Variants in WWC1 observed in about 807,000 individuals in gnomAD.
WWC1 encodes protein KIBRA.
WWC1 carries 55 observed loss-of-function variants against 138.4 expected under a neutral mutation model. The ratio of observed to expected loss-of-function variants is 0.40; its 90% CI spans 0.32 to 0.50. The LOEUF (loss-of-function observed/expected upper bound fraction) is 0.50, where lower values mean the gene tolerates loss of function less well. Ranked by LOEUF, WWC1 falls within the 20% of genes least tolerant of loss-of-function variation. WWC1 has a pLI of 0.72. For missense variants in WWC1, 1,226 were observed against 1,420.4 expected (o/e 0.86, Z 2.20); for synonymous variants, 524 against 564.9 (o/e 0.93, Z 1.03).
chr5:168,420,777 C>T (rs1244050756), intron 9 of WWC1, among the ~76,000 whole-genome samples: 2 of 152,194 alleles, frequency 1.3e-5, no homozygotes, highest in African/African-American at 4.8e-5. Flanking sequence ...GCAGCCCAGG[C>T]ACTGTCTCTG....
chr5:168,351,577 G>A lies in WWC1; in HGVS notation c.120-19847G>A, dbSNP rs116082662. On this transcript the variant is annotated intron_variant, in intron 1 of 22. Transcript: ENST00000265293. The stretch of plus-strand genomic sequence containing the variant: ...GAAGGAGGGGTGCAGGTGAAGGGCT[G>A]TGGGAGATGAGAAGAGGTTGCTCTC... Among the ~76,000 whole-genome samples, 603 of 152,322 alleles carry A rather than the reference G, an allele frequency of 4.0e-3. 2 individuals are homozygous for A. Among genetic ancestry groups the A allele is most frequent in the African/African-American group, 0.014 (565 of 41,558 alleles).
chr5:168,394,286 G>A (rs769787471), intron 3 of WWC1, among the ~76,000 whole-genome samples: 1 of 152,146 alleles, frequency 6.6e-6, no homozygotes, highest in Non-Finnish European at 1.5e-5. Flanking sequence ...ATGGGGATAG[G>A]GGTTGTGGAA....
At chr5:168,354,346 C>T (rs112033526) in intron 1 of WWC1, among the ~76,000 whole-genome samples, 29 of 152,170 alleles carry the variant, frequency 1.9e-4, no homozygotes, top group African/African-American at 6.3e-4. Flanking sequence ...CCACCGCACC[C>T]GGCCTGAGTG....
intron 14 of WWC1, 106 bp from the exon 15 acceptor site, chr5:168,431,146 C>G (rs1237618973): frequency 9.9e-7 from 1 of 1,007,550 alleles, no homozygotes. Flanking sequence ...TCTACAAACT[C>G]TCATCCACTG....
intron 13 of WWC1, among the ~76,000 whole-genome samples, 189 bp from the exon 14 acceptor site, chr5:168,429,948 A>AG (rs141726380): frequency 2.6e-5 from 4 of 152,006 alleles, no homozygotes; most frequent in African/African-American, 9.7e-5. Context: ...CAAAAAAAAA[A>AG]TTTTCAAACA....
intron 19 of WWC1, 105 bp from the exon 20 acceptor site, chr5:168,460,545 G>A: frequency 4.0e-6 from 4 of 1,012,042 alleles, no homozygotes; most frequent in Non-Finnish European, 5.9e-6. Context: ...AGAAGGAGAG[G>A]AAGGACTGTG....
chr5:168,338,495 T>G (rs1034371736), intron 1 of WWC1, among the ~76,000 whole-genome samples: 1 of 147,702 alleles, frequency 6.8e-6, no homozygotes, highest in Admixed American at 6.8e-5. Context: ...CACTGCAACC[T>G]CCGCCTCCCG....
In WWC1 at chr5:168,399,572, G is replaced by A; in HGVS notation, c.590+5G>A. On this transcript the variant is annotated splice_donor_5th_base_variant and intron_variant, in intron 5 of 22. Transcript: ENST00000265293. ...TGGCTTTCAGACCCTGAAGAAGTAA[G>A]TACACCCTGCATCCCAGAGCATGGG... 5.0e-6 allele frequency: 8 copies of A among 1,614,022 alleles called. No homozygotes were observed. The highest frequency in any genetic ancestry group is 6.8e-6 in the Non-Finnish European group (8 of 1,179,984).
At chr5:168,418,931 GA>G (rs1780870988) in intron 9 of WWC1, among the ~76,000 whole-genome samples, 1 of 152,160 alleles carries the variant, frequency 6.6e-6, no homozygotes, top group Non-Finnish European at 1.5e-5. Flanking sequence ...CAGGACTCTA[GA>G]AGAACAGTGC....
chr5:168,377,980 G>A (rs1214871763), intron 2 of WWC1, among the ~76,000 whole-genome samples: 1 of 152,204 alleles, frequency 6.6e-6, no homozygotes, highest in Non-Finnish European at 1.5e-5. Context: ...GCACTCATAT[G>A]TTCATCACAG....
At position 168,292,670 on chromosome 5, in the gene WWC1, G is replaced by C. The variant is rs771718601; in HGVS notation, c.119+399G>C. On this transcript the variant is annotated intron_variant, in intron 1 of 22. Coordinates refer to ENST00000265293, the MANE Select transcript of WWC1 (RefSeq NM_015238.3). This position sits in a 1 kb window ranked among gnomAD's most constrained non-coding sequence, Gnocchi z 4.4. ...CTTCCCGGGGAGGCTTCCACCCAGCGTGGGGGGTGGGCGGATGGGGATGGG... is the reference window on the plus strand; with the variant it reads ...CTTCCCGGGGAGGCTTCCACCCAGCCTGGGGGGTGGGCGGATGGGGATGGG... Among the ~76,000 whole-genome samples the C allele has an allele frequency of 2.0e-5, 3 of 152,110 alleles. No individual in the cohort carries two copies. Among genetic ancestry groups the C allele is most frequent in the Non-Finnish European group, 4.4e-5 (3 of 68,018 alleles).
intron 21 of WWC1, among the ~76,000 whole-genome samples, chr5:168,466,329 A>C (rs1757292162): frequency 6.6e-6 from 1 of 152,198 alleles, no homozygotes; most frequent in African/African-American, 2.4e-5. Flanking sequence ...CCAATATGAA[A>C]AATTTCATAA....
At chr5:168,326,320 C>T (rs149879162) in intron 1 of WWC1, among the ~76,000 whole-genome samples, 2,051 of 149,302 alleles carry the variant, frequency 0.014, 44 homozygotes, top group African/African-American at 0.048. Context: ...CAGGTTCAAG[C>T]GACTCTCCTG....
chr5:168,399,620 C>A, intron 5 of WWC1, 53 bp downstream of exon 5: 1 of 1,552,022 alleles, frequency 6.4e-7, no homozygotes, highest in Non-Finnish European at 8.9e-7. Context: ...CCCTGGTTCC[C>A]CTCCTGTCCT....
At chr5:168,452,153 A>G (rs34468271) in intron 17 of WWC1, among the ~76,000 whole-genome samples, 46,486 of 151,982 alleles carry the variant, frequency 0.31, 8,340 homozygotes, top group Middle Eastern at 0.45. Context: ...TGATCCGCCC[A>G]CCTTGGCCAC....
At chr5:168,422,608 T>C (rs182001272) in intron 10 of WWC1, among the ~76,000 whole-genome samples, 108 of 151,752 alleles carry the variant, frequency 7.1e-4, no homozygotes, top group African/African-American at 2.6e-3. Flanking sequence ...GAGCCAGACC[T>C]TGTCTCCAAA....
intron 1 of WWC1, among the ~76,000 whole-genome samples, chr5:168,340,870 T>G (rs1773984348): frequency 6.6e-6 from 1 of 152,236 alleles, no homozygotes; most frequent in African/African-American, 2.4e-5. Context: ...TTTTTCTCCT[T>G]GTTTTACAAA....
chr5:168,347,193 C>A (rs1774550229), intron 1 of WWC1, among the ~76,000 whole-genome samples: 1 of 152,208 alleles, frequency 6.6e-6, no homozygotes, highest in Non-Finnish European at 1.5e-5. Context: ...CAGCATCTCT[C>A]CAGTTCAGTT....
chr5:168,430,751 G>A (rs564396548), intron 14 of WWC1, among the ~76,000 whole-genome samples: 1 of 152,320 alleles, frequency 6.6e-6, no homozygotes, highest in South Asian at 2.1e-4. Context: ...TGGTAGATGG[G>A]TTTATCCTTT....
Sources: gnomAD v4.1 joint callset for allele counts (sites outside exome capture counted in the v4.1 genomes callset) on GRCh38, gnomAD v4.1.1 for gene constraint, Gnocchi (gnomAD v3.1) non-coding constraint, MANE v1.5 for transcripts, NCBI Gene and HGNC (gene_info 2026-07-23, HGNC 2026-07-21) for gene names.